The following CYP7B1 variants were observed in gnomAD, a reference collection of about 807,000 sequenced individuals.
The protein encoded by CYP7B1 is cytochrome P450 family 7 subfamily B member 1.
A neutral mutation model predicts 42.7 loss-of-function variants in CYP7B1; 29 were observed. The ratio of observed to expected loss-of-function variants is 0.68; its 90% CI spans 0.51 to 0.93. The LOEUF is 0.93. Among genes scored for constraint, CYP7B1 ranks in the 40% least tolerant of loss-of-function variants. The pLI is 0.00. For missense variants in CYP7B1, 655 were observed against 600.5 expected, an observed-to-expected ratio of 1.09 and a Z score of -0.95; for synonymous variants, 235 against 218.2, an observed-to-expected ratio of 1.08 and a Z score of -0.68.
intron 1 of CYP7B1, among the ~76,000 whole-genome samples, chr8:64,658,718 C>A (rs1402590700): frequency 6.6e-6 from 1 of 152,192 alleles, no homozygotes; most frequent in Non-Finnish European, 1.5e-5. Flanking sequence ...TCACTAAGCT[C>A]CTCTGGCTGC....
Position 64,798,560 on chromosome 8 carries a change from C to A in CYP7B1, c.28G>T (p.Gly10Cys). MAGEVSAAT[G>C]RFSLERLGLP... The stretch of plus-strand genomic sequence containing the variant: ...CCCAACCGCTCCAGCGAAAAGCGGC[C>A]CGTGGCCGCGGACACTTCTCCTGCC... Residue 10 changes from glycine (G) to cysteine (C), a missense_variant, in exon 1 of 6, where the codon GGC (glycine) becomes TGC (cysteine). Gly to Cys is a radical substitution (Grantham distance 159, BLOSUM62 -3). Transcript: ENST00000310193. The A allele has an allele frequency of 6.7e-7, 1 of 1,491,576 alleles. No individual in the cohort carries two copies. The highest frequency in any genetic ancestry group is 2.8e-5 in the East Asian group (1 of 35,702). 92.4% of individuals were successfully genotyped at this position (1,491,576 alleles called of 1,614,324 possible). A position where few individuals can be genotyped will look rare whatever the true frequency, so the allele number is the denominator to read the frequency against.
intron 1 of CYP7B1, among the ~76,000 whole-genome samples, chr8:64,795,621 A>G (rs1417795529): frequency 6.6e-6 from 1 of 151,972 alleles, no homozygotes; most frequent in Non-Finnish European, 1.5e-5. Flanking sequence ...ACCCAAAACC[A>G]AAAAAAAGGG....
chr8:64,673,087 T>C (rs888816604), intron 1 of CYP7B1, among the ~76,000 whole-genome samples: 1 of 152,122 alleles, frequency 6.6e-6, no homozygotes, highest in Non-Finnish European at 1.5e-5. Flanking sequence ...ACATACCTTG[T>C]CTCCCCCTTT....
At chr8:64,685,591 GC>G (rs1490061289) in intron 1 of CYP7B1, among the ~76,000 whole-genome samples, 1 of 29,780 alleles carries the variant, frequency 3.4e-5, no homozygotes, top group Non-Finnish European at 7.7e-5. Flanking sequence ...TCTCTGCCCG[GC>G]CGCCCCGTCT....
chr8:64,717,752 T>C (rs754800327), intron 1 of CYP7B1, among the ~76,000 whole-genome samples: 1 of 151,806 alleles, frequency 6.6e-6, no homozygotes, highest in African/African-American at 2.4e-5. Flanking sequence ...GAGCCTGAGG[T>C]GGGAAGATCA....
chr8:64,718,668 G>A (rs1447092331), intron 1 of CYP7B1, among the ~76,000 whole-genome samples: 2 of 152,252 alleles, frequency 1.3e-5, no homozygotes, highest in East Asian at 1.9e-4. Flanking sequence ...GATGGCTGTT[G>A]TTTGGGGTGA....
At chr8:64,662,045 A>C (rs779015716) in intron 1 of CYP7B1, among the ~76,000 whole-genome samples, 10 of 152,082 alleles carry the variant, frequency 6.6e-5, no homozygotes, top group Admixed American at 5.9e-4. Flanking sequence ...CTACTAGATC[A>C]ACAAGGCCTC....
chr8:64,610,555 G>C (rs915302962), intron 4 of CYP7B1, among the ~76,000 whole-genome samples: 3 of 151,936 alleles, frequency 2.0e-5, no homozygotes, highest in African/African-American at 7.3e-5. Flanking sequence ...AACGTAAAAC[G>C]TTCATAAGGG....
At chr8:64,607,272 A>G (rs2129629991) in intron 4 of CYP7B1, among the ~76,000 whole-genome samples, 1 of 152,194 alleles carries the variant, frequency 6.6e-6, no homozygotes, top group East Asian at 1.9e-4. Flanking sequence ...GTTGTCAGAG[A>G]GATTTTACAT....
chr8:64,713,490 G>GA (rs1807110990), intron 1 of CYP7B1, among the ~76,000 whole-genome samples: 1 of 151,218 alleles, frequency 6.6e-6, no homozygotes, highest in African/African-American at 2.4e-5. Flanking sequence ...CAAGAATAGA[G>GA]AAAAAAACAT....
chr8:64,624,920 CCACT>C (rs1805585767), intron 1 of CYP7B1, among the ~76,000 whole-genome samples: 1 of 150,406 alleles, frequency 6.6e-6, no homozygotes, highest in African/African-American at 2.5e-5. Context: ...CTGGGTACCC[CCACT>C]GAGTCCCCAA....
At chr8:64,587,955 G>A (rs1804990730), downstream of CYP7B1, among the ~76,000 whole-genome samples, 1 of 152,132 alleles carries the variant, frequency 6.6e-6, no homozygotes, top group African/African-American at 2.4e-5. Context: ...CTTTAATTAT[G>A]CACAATGTGT....
rs543294932 is a variant in CYP7B1 at position 64,643,294 on chromosome 8, C to T, written c.123-18755G>A. Among the ~76,000 whole-genome samples, 9 of 151,598 alleles carry T rather than the reference C, an allele frequency of 5.9e-5. No individual in the cohort carries two copies. The East Asian group carries it at 1.5e-3, about 26-fold the overall frequency. ...GTGAATGTTGCAATAAAGCAAATGTCGCAATAAAGTGAGTCGCATGAATTA... is the reference window on the plus strand; with the variant it reads ...GTGAATGTTGCAATAAAGCAAATGTTGCAATAAAGTGAGTCGCATGAATTA... On this transcript the variant is annotated intron_variant, in intron 1 of 5. Coordinates refer to ENST00000310193, the MANE Select transcript of CYP7B1 (RefSeq NM_004820.5).
chr8:64,704,754 G>A (rs535094999), intron 1 of CYP7B1, among the ~76,000 whole-genome samples: 1 of 151,870 alleles, frequency 6.6e-6, no homozygotes, highest in Admixed American at 6.6e-5. Flanking sequence ...TCTTAAAATG[G>A]TCTTGATCAC....
rs540884652 is a variant in CYP7B1 at position 64,685,277 on chromosome 8, C to T, written c.123-60738G>A. Reference sequence around the variant, plus strand: ...AAGTGCCGAGATTGCAGCCTCTGCCCGGCTGCCACCCCGTCTGGGAAGTGA... The same window carrying T: ...AAGTGCCGAGATTGCAGCCTCTGCCTGGCTGCCACCCCGTCTGGGAAGTGA... On this transcript the variant is annotated intron_variant, in intron 1 of 5. Transcript: ENST00000310193. Among the ~76,000 whole-genome samples the T allele has an allele frequency of 1.8e-3, 258 of 144,510 alleles. 1 individual carries two copies. The highest frequency in any genetic ancestry group is 5.5e-3 in the African/African-American group (214 of 38,888). The allele number at this position is 144,510 out of a possible 152,430, so 94.8% of individuals were successfully genotyped here.
chr8:64,722,961 C>T (rs1215666797), intron 1 of CYP7B1, among the ~76,000 whole-genome samples: 1 of 151,936 alleles, frequency 6.6e-6, no homozygotes, highest in South Asian at 2.1e-4. Flanking sequence ...ATTAAAATAA[C>T]GTTAAAATAG....
Position 64,595,677 on chromosome 8 carries a change from AC to A in CYP7B1, c.*964del, listed in dbSNP as rs1805106686. 6.6e-6 allele frequency among the ~76,000 whole-genome samples: 1 copy of A among 152,242 alleles called. No homozygotes were observed. The highest frequency in any genetic ancestry group is 1.5e-5 in the Non-Finnish European group (1 of 68,042). On this transcript the variant is annotated 3_prime_UTR_variant, in exon 6 of 6. Coordinates refer to ENST00000310193, the MANE Select transcript of CYP7B1 (RefSeq NM_004820.5). ...TGCTGCATGTGTCATATGAAATTAC[AC>A]TGCATTACATGATGTTGTAATTCAA...
intron 1 of CYP7B1, among the ~76,000 whole-genome samples, chr8:64,747,599 G>A (rs892617830): frequency 6.6e-6 from 1 of 151,920 alleles, no homozygotes; most frequent in Middle Eastern, 3.4e-3. Flanking sequence ...CCTTGTTTCA[G>A]GAGTGGCAGA....
intron 1 of CYP7B1, among the ~76,000 whole-genome samples, chr8:64,640,299 C>T (rs1399392323): frequency 2.6e-5 from 4 of 151,992 alleles, no homozygotes; most frequent in Non-Finnish European, 5.9e-5. Flanking sequence ...TAAATTATAT[C>T]TCAACAAACC....
Sources: allele counts gnomAD v4.1 joint callset (sites outside exome capture counted in the v4.1 genomes callset), GRCh38; gene constraint gnomAD v4.1.1; transcripts MANE v1.5; gene names NCBI Gene and HGNC (gene_info 2026-07-23, HGNC 2026-07-21).